MYO1B: variants seen among roughly 807,000 people sequenced by gnomAD.
The protein encoded by MYO1B is myosin IB, also known as unconventional myosin-Ib.
A neutral mutation model predicts 159.7 loss-of-function variants in MYO1B; 72 were observed. The observed-to-expected ratio is 0.45, with a 90% CI of 0.37 to 0.55. The LOEUF is 0.55. MYO1B is among the 20% of genes least tolerant of loss of function. The pLI is 0.00. For synonymous variants in MYO1B, 468 were observed against 473.8 expected (o/e 0.99, Z 0.16); for missense variants, 1,062 against 1,364.8 (o/e 0.78, Z 3.50).
intron 9 of MYO1B, 88 bp from the exon 10 acceptor site, chr2:191,363,640 C>T (rs1693817703): frequency 2.7e-6 from 4 of 1,458,760 alleles, no homozygotes; most frequent in Non-Finnish European, 3.6e-6. Flanking sequence ...TTTTTTTCCC[C>T]AGAAATAAAT....
intron 3 of MYO1B, among the ~76,000 whole-genome samples, chr2:191,304,563 C>G (rs1689530146): frequency 7.1e-6 from 1 of 141,082 alleles, no homozygotes; most frequent in South Asian, 2.3e-4. Context: ...AGAGCAAAAC[C>G]CCATCTCAAA....
chr2:191,319,318 C>A (rs186918329), intron 3 of MYO1B, among the ~76,000 whole-genome samples: 1 of 152,266 alleles, frequency 6.6e-6, no homozygotes, highest in East Asian at 1.9e-4. Flanking sequence ...GACACACTCA[C>A]ATAAGCCCTA....
Position 191,381,537 on chromosome 2 carries a change from A to G in MYO1B, c.1261A>G (p.Lys421Glu), listed in dbSNP as rs770730790. 7 of 1,612,932 alleles carry G rather than the reference A, an allele frequency of 4.3e-6. No homozygotes were observed. The highest frequency in any genetic ancestry group is 1.7e-4 in the Middle Eastern group (1 of 5,760). ...ACAAATCTTCATTGAACTTACTCTT[A>G]AAGAAGAGCAGGAGGAGTATATACG... is the stretch of plus-strand genomic sequence containing the variant. ...LQQIFIELTLKEEQEEYIRED... is the reference protein window; with the variant it reads ...LQQIFIELTLEEEQEEYIRED... Residue 421 changes from lysine (K) to glutamate (E), a missense_variant, in exon 14 of 31, where the codon AAA becomes GAA. By Grantham distance (56) the Lys-to-Glu change is moderately conservative. Around this residue, in one of 5 missense-constraint regions of MYO1B, gnomAD observed 415 missense variants for 544.0 expected, o/e 0.76. Transcript: ENST00000392318.
At chr2:191,326,240 A>T (rs960404334) in intron 3 of MYO1B, among the ~76,000 whole-genome samples, 1 of 152,192 alleles carries the variant, frequency 6.6e-6, no homozygotes. Context: ...CCTTAATTAC[A>T]GAGTGGCTTG....
chr2:191,329,652 T>A (rs1691330496), intron 3 of MYO1B, among the ~76,000 whole-genome samples: 1 of 147,858 alleles, frequency 6.8e-6, no homozygotes. Flanking sequence ...ATAAATTATT[T>A]ATTTATATAA....
At position 191,383,448 on chromosome 2, in the gene MYO1B, TTATA is replaced by T. The variant is rs1209689273; in HGVS notation, c.1353+129_1353+132del. 1.3e-3 allele frequency: 162 copies of T among 127,378 alleles called. 3 individuals are homozygous for T. Among genetic ancestry groups the T allele is most frequent in the African/African-American group, 5.3e-3 (132 of 24,856 alleles). 7.9% of individuals were successfully genotyped at this position (127,378 alleles called of 1,614,324 possible). On this transcript the variant is annotated intron_variant, in intron 15 of 30. Coordinates refer to ENST00000392318, the MANE Select transcript of MYO1B (RefSeq NM_001130158.3). ...TAAGCATTAGTATTTTCACTGTTTTTTATATATATATATATATATATATATACAC... is the reference window on the plus strand; with the variant it reads ...TAAGCATTAGTATTTTCACTGTTTTTTATATATATATATATATATATACAC...
chr2:191,370,492 T>TGTGTG (rs1164281412), intron 13 of MYO1B, among the ~76,000 whole-genome samples, 200 bp downstream of exon 13: 1 of 145,502 alleles, frequency 6.9e-6, no homozygotes. Flanking sequence ...TATTCCTGCA[T>TGTGTG]GTGTGCCTGA....
chr2:191,249,435 G>C (rs946005738), intron 1 of MYO1B, among the ~76,000 whole-genome samples: 57 of 152,274 alleles, frequency 3.7e-4, no homozygotes, highest in African/African-American at 1.3e-3. Flanking sequence ...AGCTCTGTGG[G>C]AACACTCATT....
intron 7 of MYO1B, among the ~76,000 whole-genome samples, chr2:191,354,259 T>TAATAAG (rs1229716776): frequency 4.6e-5 from 2 of 43,950 alleles, no homozygotes; most frequent in Admixed American, 5.1e-4. Flanking sequence ...CCGTCTTAAA[T>TAATAAG]AATAATAATA....
intron 3 of MYO1B, among the ~76,000 whole-genome samples, chr2:191,308,758 A>G (rs752184042): frequency 6.6e-6 from 1 of 152,166 alleles, no homozygotes; most frequent in Non-Finnish European, 1.5e-5. Flanking sequence ...CTTCTTTTCA[A>G]GATCATTTGT....
At chr2:191,288,788 G>T (rs1688532369) in intron 2 of MYO1B, among the ~76,000 whole-genome samples, 1 of 152,198 alleles carries the variant, frequency 6.6e-6, no homozygotes, top group African/African-American at 2.4e-5. Context: ...GCCCATCCTG[G>T]ATTTGAACTA....
intron 4 of MYO1B, among the ~76,000 whole-genome samples, chr2:191,332,593 C>T (rs988552475): frequency 5.3e-5 from 8 of 152,128 alleles, no homozygotes; most frequent in South Asian, 2.1e-4. Flanking sequence ...TTATCACGTG[C>T]TGGGCGGTGT....
chr2:191,296,327 T>C (rs957030155), intron 3 of MYO1B, 101 bp downstream of exon 3: 7 of 409,058 alleles, frequency 1.7e-5, no homozygotes, highest in Non-Finnish European at 2.4e-5. Context: ...ATAATGTTTT[T>C]GTCAGTTTTT....
chr2:191,390,167 C>A lies in MYO1B; in HGVS notation c.1782-125C>A, dbSNP rs928618330. The A allele has an allele frequency of 4.9e-6, 4 of 822,206 alleles. No homozygotes were observed. The Admixed American group carries it at 9.2e-5, about 19-fold the overall frequency. 50.9% of individuals were successfully genotyped at this position (822,206 alleles called of 1,614,324 possible). Reference sequence around the variant, plus strand: ...TTTGAAATAATTTCAAAAGTAATGACTAGGTTTCTTAAGAATAACATAATT... The same window carrying A: ...TTTGAAATAATTTCAAAAGTAATGAATAGGTTTCTTAAGAATAACATAATT... On this transcript the variant is annotated intron_variant, in intron 17 of 30. Transcript: ENST00000392318.
chr2:191,317,150 A>G (rs1356573972), intron 3 of MYO1B, among the ~76,000 whole-genome samples: 2 of 152,174 alleles, frequency 1.3e-5, no homozygotes, highest in Non-Finnish European at 1.5e-5. Flanking sequence ...TCTGGAGAGC[A>G]GGTGCAGCGT....
intron 2 of MYO1B, among the ~76,000 whole-genome samples, chr2:191,278,788 T>C (rs1687891443): frequency 6.6e-6 from 1 of 152,272 alleles, no homozygotes. Flanking sequence ...CTGAGGGTTC[T>C]GCAGCTTTAA....
intron 1 of MYO1B, among the ~76,000 whole-genome samples, chr2:191,259,054 C>T (rs1484438698): frequency 2.6e-5 from 4 of 152,226 alleles, no homozygotes; most frequent in African/African-American, 9.6e-5. Context: ...TTCACCTACT[C>T]TGTGATTTAG....
At chr2:191,360,789 G>A in intron 8 of MYO1B, 60 bp downstream of exon 8, 2 of 1,290,998 alleles carry the variant, frequency 1.5e-6, no homozygotes, top group Non-Finnish European at 2.2e-6. Flanking sequence ...TGTTGTTGTT[G>A]GAGCTGGGAG....
Position 191,280,184 on chromosome 2 carries a change from GC to G in MYO1B, c.135+3155del, listed in dbSNP as rs149552874. 9.0e-3 allele frequency among the ~76,000 whole-genome samples: 1,376 copies of G among 152,268 alleles called. 27 individuals carry two copies. The highest frequency in any genetic ancestry group is 0.031 in the African/African-American group (1,277 of 41,524). On this transcript the variant is annotated intron_variant, in intron 2 of 30. Coordinates refer to ENST00000392318, the MANE Select transcript of MYO1B (RefSeq NM_001130158.3). Reference sequence around the variant, plus strand: ...ATCCTCTGGATCTGTAGCAGCTGACGCTGGAAGCAGACTCCCTTGTCATCCT... The same window carrying G: ...ATCCTCTGGATCTGTAGCAGCTGACGTGGAAGCAGACTCCCTTGTCATCCT...
Sources: gnomAD v4.1 joint callset for allele counts (sites outside exome capture counted in the v4.1 genomes callset) on GRCh38, gnomAD v4.1.1 for gene constraint, gnomAD v4.1.1 regional missense constraint, MANE v1.5 for transcripts, NCBI Gene and HGNC (gene_info 2026-07-23, HGNC 2026-07-21) for gene names.